PAF1: variants seen among roughly 807,000 people sequenced by gnomAD.
PAF1 encodes the protein RNA polymerase II-associated factor 1 homolog.
A neutral mutation model predicts 68.4 loss-of-function variants in PAF1; 31 were observed. That is an observed-to-expected ratio of 0.45 (90% CI 0.34 to 0.61). PAF1 has a LOEUF of 0.61. PAF1 is among the 20% of genes least tolerant of loss of function. The probability of loss-of-function intolerance (pLI) is 0.01; values close to 1 mark genes in which losing one functional copy is unlikely to be tolerated. For synonymous variants in PAF1, 256 were observed against 240.5 expected (o/e 1.06, Z -0.60); for missense variants, 435 against 692.9 (o/e 0.63, Z 4.18).
intron 1 of PAF1, 82 bp from the exon 2 acceptor site, chr19:39,390,371 A>C: frequency 7.8e-7 from 1 of 1,286,498 alleles, no homozygotes; most frequent in Non-Finnish European, 1.1e-6. Flanking sequence ...AACCTTTCAA[A>C]AGGTAGGAGG....
chr19:39,389,192 C>T lies in PAF1; in HGVS notation c.468G>A (p.Gly156=). 2 of 1,613,914 alleles carry T rather than the reference C, an allele frequency of 1.2e-6. No homozygotes were observed. Among genetic ancestry groups the T allele is most frequent in the African/African-American group, 2.7e-5 (2 of 75,010 alleles). Residue 156 remains glycine, a synonymous_variant, in exon 7 of 14, where the codon GGG becomes GGA. Transcript: ENST00000221265. The surrounding 1 kb of genome is among the most constrained non-coding windows in gnomAD (Gnocchi z 5.3). ...CGGTAAACTGCTGCTTCACAGAAAC[C>T]CCAATCCTAGGAATGAAGAAAAAGG... The part of the protein sequence containing the change: ...ISNEKPEVKI[G]VSVKQQFTEE...
chr19:39,387,159 C>T (rs150150851), intron 11 of PAF1: 4 of 427,320 alleles, frequency 9.4e-6, no homozygotes, highest in Non-Finnish European at 1.8e-5. Flanking sequence ...TACTACATAC[C>T]TAGGCTGTAA....
rs764181926 is a variant in PAF1 at position 39,385,996 on chromosome 19, C to T, written c.1591G>A (p.Asp531Asn). ...AGCCCTGAATGCCCTGGGACTCAGTCACTGTCACTATCAGCTTCACTGGAA... is the reference window on the plus strand; with the variant it reads ...AGCCCTGAATGCCCTGGGACTCAGTTACTGTCACTATCAGCTTCACTGGAA... The part of the protein sequence containing the change: ...SDSSEADSDS[D>N] The change falls in exon 14 of 14, where the codon GAC becomes AAC. Residue 531 changes from aspartate (D) to asparagine (N), a missense_variant. By Grantham distance (23) the Asp-to-Asn change is conservative. Coordinates refer to ENST00000221265, the MANE Select transcript of PAF1 (RefSeq NM_019088.4). The T allele has an allele frequency of 1.9e-6, 3 of 1,613,546 alleles. No individual in the cohort carries two copies.
rs776690401 is a variant in PAF1, at chr19:39,386,275, C to T, written c.1312G>A (p.Glu438Lys). 8.7e-6 allele frequency: 14 copies of T among 1,614,056 alleles called. No homozygotes were observed. Among genetic ancestry groups the T allele is most frequent in the East Asian group, 6.7e-5 (3 of 44,900 alleles). Residue 438 changes from glutamate to lysine, a missense_variant, in exon 14 of 14, where the codon GAG (glutamate) becomes AAG (lysine). Physicochemically the swap from Glu to Lys is moderately conservative, Grantham distance 56. This residue lies in a region of PAF1 where 78 missense variants were observed against 80.6 expected (regional missense o/e 0.97). Transcript: ENST00000221265. This position sits in a 1 kb window ranked among gnomAD's most constrained non-coding sequence, Gnocchi z 6.1. ...ASDKSGSGED[E>K]SSEDEARAAR... ...GCCCGGGCCTCATCCTCGCTGCTCTCGTCCTCACCACTGCCACTCTTGTCA... is the reference window on the plus strand; with the variant it reads ...GCCCGGGCCTCATCCTCGCTGCTCTTGTCCTCACCACTGCCACTCTTGTCA...
chr19:39,385,841 G>A lies in PAF1; in HGVS notation c.*150C>T. 8.6e-7 allele frequency: 1 copy of A among 1,164,506 alleles called. No homozygotes were observed. The highest frequency in any genetic ancestry group is 1.2e-6 in the Non-Finnish European group (1 of 836,602). The allele number at this position is 1,164,506 out of a possible 1,614,324, so 72.1% of individuals were successfully genotyped here. Reference sequence around the variant, plus strand: ...TGGGCTGAATGACATCATAGGGGCTGGGAGGGGAAGTAAAGAGAAGTTGAC... The same window carrying A: ...TGGGCTGAATGACATCATAGGGGCTAGGAGGGGAAGTAAAGAGAAGTTGAC... On this transcript the variant is annotated 3_prime_UTR_variant, in exon 14 of 14. Coordinates refer to ENST00000221265, the MANE Select transcript of PAF1 (RefSeq NM_019088.4).
In PAF1 at chr19:39,386,008, C is replaced by G. The variant is rs539025205; in HGVS notation, c.1579G>C (p.Asp527His). 42 of 1,613,740 alleles carry G rather than the reference C, an allele frequency of 2.6e-5. No homozygotes were observed. The South Asian group carries it at 3.8e-4, about 15-fold the overall frequency. ...CCTGGGACTCAGTCACTGTCACTAT[C>G]AGCTTCACTGGAATCAGAAGCTGCA... Reference protein sequence around the residue: ...EAAASDSSEADSDSD With the variant: ...EAAASDSSEAHSDSD The change falls in exon 14 of 14, where the codon GAT becomes CAT. Residue 527 changes from aspartate (D) to histidine (H), a missense_variant. Transcript: ENST00000221265. The surrounding 1 kb of genome is among the most constrained non-coding windows in gnomAD (Gnocchi z 6.1).
Position 39,386,035 on chromosome 19 carries a change from C to T in PAF1, c.1552G>A (p.Ala518Thr). The T allele has an allele frequency of 6.2e-7, 1 of 1,613,956 alleles. No homozygotes were observed. The highest frequency in any genetic ancestry group is 8.5e-7 in the Non-Finnish European group (1 of 1,179,998). Residue 518 changes from alanine (A) to threonine (T), a missense_variant, in exon 14 of 14, where the codon GCT becomes ACT. By Grantham distance (58) the Ala-to-Thr change is moderately conservative. Coordinates refer to ENST00000221265, the MANE Select transcript of PAF1 (RefSeq NM_019088.4). The surrounding 1 kb of genome is among the most constrained non-coding windows in gnomAD (Gnocchi z 6.1). ...EHSAQEDGSE[A>T]AASDSSEADS... ...GCTTCACTGGAATCAGAAGCTGCAG[C>T]TTCACTGCCATCCTCCTGGGCCGAG...
chr19:39,389,258 C>G lies in PAF1; in HGVS notation c.461+24G>C, dbSNP rs529449562. On this transcript the variant is annotated intron_variant, in intron 6 of 13. Coordinates refer to ENST00000221265, the MANE Select transcript of PAF1 (RefSeq NM_019088.4). The surrounding 1 kb of genome is among the most constrained non-coding windows in gnomAD (Gnocchi z 5.3). ...GGACACACCTAATATCTCCACCTTC[C>G]CTCTCTTCCTGTTAGTAACTTACTT... The G allele has an allele frequency of 6.2e-7, 1 of 1,609,978 alleles. No homozygotes were observed. The highest frequency in any genetic ancestry group is 1.1e-5 in the South Asian group (1 of 91,014).
chr19:39,390,994 G>C lies in PAF1; in HGVS notation c.-130C>G. 2.2e-6 allele frequency: 2 copies of C among 929,736 alleles called. No individual in the cohort carries two copies. Among genetic ancestry groups the C allele is most frequent in the Middle Eastern group, 3.3e-4 (1 of 3,030 alleles). 57.6% of individuals were successfully genotyped at this position (929,736 alleles called of 1,614,324 possible). On this transcript the variant is annotated 5_prime_UTR_variant, in exon 1 of 14. Transcript: ENST00000221265. Reference sequence around the variant, plus strand: ...TTGGCGCCGCTCCCCGCGGAAAGTGGGTTGAGATGAGGTGGGCGGGCGAGA... The same window carrying C: ...TTGGCGCCGCTCCCCGCGGAAAGTGCGTTGAGATGAGGTGGGCGGGCGAGA...
chr19:39,385,750 C>T lies in PAF1; in HGVS notation c.*241G>A. The T allele has an allele frequency of 3.3e-6, 2 of 599,534 alleles. No individual in the cohort carries two copies. Among genetic ancestry groups the T allele is most frequent in the Non-Finnish European group, 5.8e-6 (2 of 343,642 alleles). The allele number at this position is 599,534 out of a possible 1,614,324, so 37.1% of individuals were successfully genotyped here. ...TTGTGGGAAACCATTGGCCCTGCCT[C>T]TGGCCTGTGTTTCTAAGCCTCAAGC... is the stretch of plus-strand genomic sequence containing the variant. On this transcript the variant is annotated 3_prime_UTR_variant, in exon 14 of 14. Coordinates refer to ENST00000221265, the MANE Select transcript of PAF1 (RefSeq NM_019088.4).
Position 39,389,839 on chromosome 19 carries a change from T to A in PAF1, c.171-78A>T. 1.3e-6 allele frequency: 2 copies of A among 1,574,096 alleles called. No individual in the cohort carries two copies. Among genetic ancestry groups the A allele is most frequent in the Non-Finnish European group, 1.7e-6 (2 of 1,145,792 alleles). ...AGCCCTGCTTCCCAGAGGCGGAGCTTCTCTGGGGAGGAACTCAGAATGAAG... is the reference window on the plus strand; with the variant it reads ...AGCCCTGCTTCCCAGAGGCGGAGCTACTCTGGGGAGGAACTCAGAATGAAG... On this transcript the variant is annotated intron_variant, in intron 3 of 13. Transcript: ENST00000221265. This position sits in a 1 kb window ranked among gnomAD's most constrained non-coding sequence, Gnocchi z 5.3.
At chr19:39,388,263 C>T in intron 11 of PAF1, 76 bp downstream of exon 11, 1 of 1,480,792 alleles carries the variant, frequency 6.8e-7, no homozygotes, top group Non-Finnish European at 9.4e-7. Context: ...CAAATGACCT[C>T]CAAGGTGGCT....
chr19:39,387,559 C>T (rs1442771687), intron 11 of PAF1, among the ~76,000 whole-genome samples: 4 of 152,214 alleles, frequency 2.6e-5, no homozygotes, highest in Admixed American at 2.6e-4. Flanking sequence ...CATTTCCTGC[C>T]TGGCCTATGG....
Position 39,385,906 on chromosome 19 carries a change from G to C in PAF1, c.*85C>G, listed in dbSNP as rs1358382956. ...AGGTTTGGGGGTGGGGAACAAACAA[G>C]TGAAAGGCTCACAAACAGACCACTA... is the stretch of plus-strand genomic sequence containing the variant. On this transcript the variant is annotated 3_prime_UTR_variant, in exon 14 of 14. Transcript: ENST00000221265. 5.8e-6 allele frequency: 9 copies of C among 1,561,224 alleles called. No individual in the cohort carries two copies. In the South Asian group the frequency reaches 9.3e-5, roughly 16 times the overall value.
chr19:39,390,984 G>T lies in PAF1; in HGVS notation c.-120C>A. ...AAGGCCCAGCTTGGCGCCGCTCCCC[G>T]CGGAAAGTGGGTTGAGATGAGGTGG... On this transcript the variant is annotated 5_prime_UTR_variant, in exon 1 of 14. Transcript: ENST00000221265. The T allele has an allele frequency of 9.7e-7, 1 of 1,028,658 alleles. No homozygotes were observed. The highest frequency in any genetic ancestry group is 1.4e-6 in the Non-Finnish European group (1 of 710,806). 63.7% of individuals were successfully genotyped at this position (1,028,658 alleles called of 1,614,324 possible).
In PAF1 at chr19:39,389,235, A is replaced by G; in HGVS notation, c.462-37T>C. On this transcript the variant is annotated intron_variant, in intron 6 of 13. Coordinates refer to ENST00000221265, the MANE Select transcript of PAF1 (RefSeq NM_019088.4). This position sits in a 1 kb window ranked among gnomAD's most constrained non-coding sequence, Gnocchi z 5.3. ...GAAAAAGGTCCTTAGGGGCCACTGGACACACCTAATATCTCCACCTTCCCT... is the reference window on the plus strand; with the variant it reads ...GAAAAAGGTCCTTAGGGGCCACTGGGCACACCTAATATCTCCACCTTCCCT... 1 of 1,608,630 alleles carries G rather than the reference A, an allele frequency of 6.2e-7. No homozygotes were observed.
rs1445724933 is a variant in PAF1 at position 39,388,347 on chromosome 19, C to T, written c.978G>A (p.Leu326=). ...REGDGVYYNE[L]ETRVRLSKRR... ...AGGAGTGTGCTGAGTACCTGGTTTCCAACTCATTGTAGTAAACCCCGTCAC... is the reference window on the plus strand; with the variant it reads ...AGGAGTGTGCTGAGTACCTGGTTTCTAACTCATTGTAGTAAACCCCGTCAC... The change falls in exon 11 of 14, where the codon TTG becomes TTA. Residue 326 remains leucine (L), a synonymous_variant. Transcript: ENST00000221265. 2.5e-6 allele frequency: 4 copies of T among 1,613,934 alleles called. No individual in the cohort carries two copies. The highest frequency in any genetic ancestry group is 3.4e-6 in the Non-Finnish European group (4 of 1,179,998).
Position 39,385,818 on chromosome 19 carries a change from G to T in PAF1, c.*173C>A. On this transcript the variant is annotated 3_prime_UTR_variant, in exon 14 of 14. Transcript: ENST00000221265. ...TGGGGGTTGCGGGAGGTATGTGCTGGGCTGAATGACATCATAGGGGCTGGG... is the reference window on the plus strand; with the variant it reads ...TGGGGGTTGCGGGAGGTATGTGCTGTGCTGAATGACATCATAGGGGCTGGG... 1.0e-6 allele frequency: 1 copy of T among 982,664 alleles called. No individual in the cohort carries two copies. The highest frequency in any genetic ancestry group is 1.5e-6 in the Non-Finnish European group (1 of 678,268). The allele number at this position is 982,664 out of a possible 1,614,324, so 60.9% of individuals were successfully genotyped here. A position where few individuals can be genotyped will look rare whatever the true frequency, so the allele number is the denominator to read the frequency against.
In PAF1 at chr19:39,389,805, A is replaced by ACCCCTCACAGCCCTGCTTCC; in HGVS notation, c.171-64_171-45dup. 1 of 1,612,590 alleles carries ACCCCTCACAGCCCTGCTTCC rather than the reference A, an allele frequency of 6.2e-7. No individual in the cohort carries two copies. The highest frequency in any genetic ancestry group is 1.1e-5 in the South Asian group (1 of 90,750). ...ATTGTGGTGTTTGGATTCCAGCTTC[A>ACCCCTCACAGCCCTGCTTCC]CCCCTCACAGCCCTGCTTCCCAGAG... On this transcript the variant is annotated intron_variant, in intron 3 of 13. Coordinates refer to ENST00000221265, the MANE Select transcript of PAF1 (RefSeq NM_019088.4). The surrounding 1 kb of genome is among the most constrained non-coding windows in gnomAD (Gnocchi z 5.3).
Sources: allele counts gnomAD v4.1 joint callset (sites outside exome capture counted in the v4.1 genomes callset), GRCh38; gene constraint gnomAD v4.1.1; regional missense constraint gnomAD v4.1.1; non-coding constraint Gnocchi (gnomAD v3.1); transcripts MANE v1.5; gene names NCBI Gene and HGNC (gene_info 2026-07-23, HGNC 2026-07-21).